Variants in RHPN2 observed in about 807,000 individuals in gnomAD.
The protein encoded by RHPN2 is rhophilin Rho GTPase binding protein 2.
RHPN2 carries 40 observed loss-of-function variants against 79.0 expected under a neutral mutation model. The ratio of observed to expected loss-of-function variants is 0.51; its 90% CI spans 0.39 to 0.66. The LOEUF is 0.66. RHPN2 is among the 30% of genes least tolerant of loss of function. The pLI, the probability that RHPN2 is intolerant of heterozygous loss-of-function variation, is 0.00. For synonymous variants in RHPN2, 285 were observed against 363.5 expected (o/e 0.78, Z 2.46); for missense variants, 686 against 883.5 (o/e 0.78, Z 2.83).
At chr19:33,050,830 C>A (rs985826283) in intron 1 of RHPN2, among the ~76,000 whole-genome samples, 2 of 152,188 alleles carry the variant, frequency 1.3e-5, no homozygotes, top group African/African-American at 4.8e-5. Flanking sequence ...AGGCACCCGC[C>A]ACCACACCCG....
chr19:32,983,091 CA>C (rs1971587762), intron 14 of RHPN2, among the ~76,000 whole-genome samples: 1 of 149,170 alleles, frequency 6.7e-6, no homozygotes, highest in Non-Finnish European at 1.5e-5. Context: ...CACACACACA[CA>C]CACTCCTGCA....
At chr19:33,023,447 A>G (rs1022764311) in intron 3 of RHPN2, among the ~76,000 whole-genome samples, 7 of 148,844 alleles carry the variant, frequency 4.7e-5, no homozygotes, top group African/African-American at 1.8e-4. Flanking sequence ...GAAAAAAAAA[A>G]AAAAAGAAAA....
intron 3 of RHPN2, among the ~76,000 whole-genome samples, chr19:33,023,453 G>GA (rs147399237): frequency 0.063 from 7,847 of 124,022 alleles, 437 homozygotes; most frequent in African/African-American, 0.17. Flanking sequence ...AAAAAAAAAA[G>GA]AAAAAAAAAA....
At chr19:33,038,209 C>T (rs1599829816) in intron 2 of RHPN2, among the ~76,000 whole-genome samples, 1 of 151,424 alleles carries the variant, frequency 6.6e-6, no homozygotes, top group South Asian at 2.1e-4. Flanking sequence ...ATTAGCTGGG[C>T]ATGGGGGTGC....
chr19:33,042,585 C>A (rs1381790955), intron 2 of RHPN2, among the ~76,000 whole-genome samples: 1 of 152,134 alleles, frequency 6.6e-6, no homozygotes, highest in Admixed American at 6.6e-5. Context: ...GAAGAGATTC[C>A]CAGACAAACT....
chr19:33,006,978 G>A (rs34516396), intron 7 of RHPN2, among the ~76,000 whole-genome samples: 3 of 151,884 alleles, frequency 2.0e-5, no homozygotes, highest in Non-Finnish European at 4.4e-5. Context: ...GTAGGCAGAC[G>A]TCGTAGTGAG....
intron 7 of RHPN2, among the ~76,000 whole-genome samples, chr19:33,004,940 G>A (rs912981723): frequency 6.6e-6 from 1 of 151,634 alleles, no homozygotes; most frequent in Non-Finnish European, 1.5e-5. Flanking sequence ...TCTCTATTGA[G>A]TAAAGAAACC....
chr19:33,056,823 G>C (rs932801307), intron 1 of RHPN2, among the ~76,000 whole-genome samples: 1 of 151,900 alleles, frequency 6.6e-6, no homozygotes, highest in Non-Finnish European at 1.5e-5. Flanking sequence ...AAGAGTTCGA[G>C]ACCAGGCCGG....
chr19:33,032,016 C>CTTTTTTTT (rs34807523), intron 2 of RHPN2, among the ~76,000 whole-genome samples: 9 of 91,390 alleles, frequency 9.8e-5, no homozygotes, highest in African/African-American at 4.3e-4. Context: ...CCGGGCCGGT[C>CTTTTTTTT]TTTTTTTTTT....
chr19:33,047,688 T>G (rs2145265762), intron 1 of RHPN2, among the ~76,000 whole-genome samples: 1 of 152,216 alleles, frequency 6.6e-6, no homozygotes, highest in South Asian at 2.1e-4. Flanking sequence ...GGGAGGGAGA[T>G]GTGAGTTATC....
intron 2 of RHPN2, among the ~76,000 whole-genome samples, chr19:33,042,908 G>A (rs1599831709): frequency 1.3e-5 from 2 of 152,090 alleles, no homozygotes; most frequent in African/African-American, 2.4e-5. Context: ...GTGAAACCTC[G>A]TCTCTACTAA....
At chr19:33,009,970 G>C (rs1185493647) in intron 6 of RHPN2, among the ~76,000 whole-genome samples, 4 of 151,838 alleles carry the variant, frequency 2.6e-5, no homozygotes, top group African/African-American at 9.7e-5. Flanking sequence ...GTAGAGACAG[G>C]GTTTCGCCGT....
At chr19:32,996,273 T>C (rs1971701269) in intron 10 of RHPN2, 53 bp from the exon 11 acceptor site, 27 of 1,604,416 alleles carry the variant, frequency 1.7e-5, no homozygotes, top group East Asian at 2.2e-5. Context: ...AAGCAGAGCA[T>C]AAAGGCCCAA....
chr19:32,989,292 T>G (rs1971636437), intron 14 of RHPN2, among the ~76,000 whole-genome samples: 2 of 152,234 alleles, frequency 1.3e-5, no homozygotes, highest in South Asian at 4.1e-4. Flanking sequence ...ATATTTTCAG[T>G]AGAGACAGTG....
chr19:33,037,954 G>A (rs1285613482), intron 2 of RHPN2, among the ~76,000 whole-genome samples: 1 of 152,106 alleles, frequency 6.6e-6, no homozygotes, highest in African/African-American at 2.4e-5. Flanking sequence ...TGTCATCGCA[G>A]CACTCTGGGA....
intron 1 of RHPN2, among the ~76,000 whole-genome samples, chr19:33,047,792 T>A (rs1389416240): frequency 2.0e-5 from 3 of 152,026 alleles, no homozygotes; most frequent in Non-Finnish European, 2.9e-5. Context: ...ACAACTGTAA[T>A]CCCAAGCACT....
At position 33,008,420 on chromosome 19, in the gene RHPN2, T is replaced by A. The variant is rs867678052; in HGVS notation, c.594-240A>T. Among the ~76,000 whole-genome samples the A allele has an allele frequency of 5.0e-3, 746 of 149,446 alleles. 3 individuals carry two copies. Among genetic ancestry groups the A allele is most frequent in the African/African-American group, 0.015 (597 of 40,818 alleles). On this transcript the variant is annotated intron_variant, in intron 6 of 14. Coordinates refer to ENST00000254260, the MANE Select transcript of RHPN2 (RefSeq NM_033103.5). Reference sequence around the variant, plus strand: ...TGGTGCATGCCACCATACCTGCCTTTTTTTTTTTTTTTAATTTTTGTAGAG... The same window carrying A: ...TGGTGCATGCCACCATACCTGCCTTATTTTTTTTTTTTAATTTTTGTAGAG...
intron 12 of RHPN2, 149 bp downstream of exon 12, chr19:32,993,828 T>C: frequency 1.5e-6 from 1 of 671,892 alleles, no homozygotes; most frequent in Non-Finnish European, 2.8e-6. Context: ...CTTCCCAGCC[T>C]CCGGAACTAA....
intron 4 of RHPN2, among the ~76,000 whole-genome samples, chr19:33,013,818 A>G (rs1369115618): frequency 6.6e-6 from 1 of 152,108 alleles, no homozygotes; most frequent in Non-Finnish European, 1.5e-5. Flanking sequence ...TTCCTTTGCC[A>G]AGAAGACCCT....
Sources: allele counts gnomAD v4.1 joint callset (sites outside exome capture counted in the v4.1 genomes callset), GRCh38; gene constraint gnomAD v4.1.1; transcripts MANE v1.5; gene names NCBI Gene and HGNC (gene_info 2026-07-23, HGNC 2026-07-21).